CDH17: variants seen among roughly 807,000 people sequenced by gnomAD.
The protein encoded by CDH17 is cadherin-17.
In CDH17, 67 loss-of-function variants were observed where a neutral mutation model predicts 86.3. The observed-to-expected ratio is 0.78, with a 90% CI of 0.64 to 0.95. The LOEUF (loss-of-function observed/expected upper bound fraction) is 0.95. Among genes scored for constraint, CDH17 ranks in the 40% least tolerant of loss-of-function variants. The probability of loss-of-function intolerance (pLI) is 0.00; values close to 1 mark genes in which losing one functional copy is unlikely to be tolerated. For synonymous variants in CDH17, 367 were observed against 366.4 expected, an observed-to-expected ratio of 1.00 and a Z score of -0.02; for missense variants, 993 against 1,017.6, an observed-to-expected ratio of 0.98 and a Z score of 0.33.
intron 1 of CDH17, among the ~76,000 whole-genome samples, chr8:94,216,914 T>A (rs1586041193): frequency 6.6e-6 from 1 of 152,228 alleles, no homozygotes; most frequent in Admixed American, 6.5e-5. Context: ...ATTCTTAAAG[T>A]TTCCCTTGGT....
chr8:94,143,083 T>C (rs1200917100), intron 15 of CDH17, among the ~76,000 whole-genome samples: 1 of 152,248 alleles, frequency 6.6e-6, no homozygotes, highest in Non-Finnish European at 1.5e-5. Flanking sequence ...TCAGAGGAAT[T>C]ACTATCTAAT....
intron 1 of CDH17, among the ~76,000 whole-genome samples, chr8:94,216,563 G>GTTT (rs368207788): frequency 5.6e-5 from 8 of 142,022 alleles, no homozygotes; most frequent in East Asian, 2.1e-4. Context: ...CAGAGGGTTT[G>GTTT]TTTTTTTTTT....
intron 1 of CDH17, among the ~76,000 whole-genome samples, chr8:94,200,263 A>C (rs115821585): frequency 2.8e-4 from 42 of 152,306 alleles, no homozygotes; most frequent in African/African-American, 1.0e-3. Context: ...GCCATCCTTC[A>C]TCACTGAAAT....
At chr8:94,190,522 C>T (rs1207942893) in intron 2 of CDH17, among the ~76,000 whole-genome samples, 1 of 152,218 alleles carries the variant, frequency 6.6e-6, no homozygotes, top group African/African-American at 2.4e-5. Context: ...CTCATCCCCA[C>T]GCTGGCCTTC....
chr8:94,183,436 C>T (rs1813520095), intron 3 of CDH17, among the ~76,000 whole-genome samples: 1 of 152,040 alleles, frequency 6.6e-6, no homozygotes, highest in Non-Finnish European at 1.5e-5. Flanking sequence ...CAATTGATTT[C>T]TGATGAGGAT....
chr8:94,166,843 C>T (rs1267382096), intron 9 of CDH17, among the ~76,000 whole-genome samples: 1 of 152,086 alleles, frequency 6.6e-6, no homozygotes, highest in Non-Finnish European at 1.5e-5. Context: ...ACACCAGATG[C>T]CAACAGAAGC....
chr8:94,170,428 G>A lies in CDH17; in HGVS notation c.1035C>T (p.Thr345=), dbSNP rs1471565823. The change falls in exon 9 of 18, where the codon ACC becomes ACT. Residue 345 remains threonine (T), a synonymous_variant. Transcript: ENST00000027335. ...DNPPTCPSPV[T]VFEVQENERL... ...GTTCATTCTCCTGGACCTCAAATAC[G>A]GTTACTGGTGACGGACATGTAGGTG... 8 of 1,613,516 alleles carry A rather than the reference G, an allele frequency of 5.0e-6. No individual in the cohort carries two copies. Among genetic ancestry groups the A allele is most frequent in the Non-Finnish European group, 5.9e-6 (7 of 1,179,662 alleles).
At chr8:94,215,272 C>T (rs1039590714) in intron 1 of CDH17, among the ~76,000 whole-genome samples, 10 of 152,028 alleles carry the variant, frequency 6.6e-5, no homozygotes, top group Non-Finnish European at 1.5e-4. Context: ...ATGTGGTATC[C>T]ATATGATAGA....
chr8:94,152,174 C>T, intron 12 of CDH17, 62 bp from the exon 13 acceptor site: 2 of 1,561,534 alleles, frequency 1.3e-6, no homozygotes, highest in Non-Finnish European at 1.7e-6. Context: ...AAGATTCATT[C>T]CCTATCCTTC....
chr8:94,147,177 T>C (rs79356409), intron 14 of CDH17, among the ~76,000 whole-genome samples: 3,370 of 152,236 alleles, frequency 0.022, 118 homozygotes, highest in African/African-American at 0.077. Flanking sequence ...GAAAGGGGTG[T>C]GCACAGCATA....
At chr8:94,176,468 G>A in intron 5 of CDH17, 73 bp downstream of exon 5, 1 of 1,508,318 alleles carries the variant, frequency 6.6e-7, no homozygotes. Context: ...GCAGCTATTA[G>A]CCACACAAGT....
chr8:94,193,765 G>T (rs1306791556), intron 2 of CDH17, among the ~76,000 whole-genome samples: 2 of 152,134 alleles, frequency 1.3e-5, no homozygotes, highest in African/African-American at 2.4e-5. Flanking sequence ...AGTTTGAACT[G>T]CAGATTTCCC....
chr8:94,179,025 C>A (rs1813425458), intron 3 of CDH17, among the ~76,000 whole-genome samples: 2 of 141,046 alleles, frequency 1.4e-5, no homozygotes, highest in Non-Finnish European at 1.5e-5. Flanking sequence ...CAGATGCTTG[C>A]AAAATCCAAG....
In CDH17 at chr8:94,200,532, C is replaced by CTTTTTTTTTTTTTTTTTTT. The variant is rs1387182561; in HGVS notation, c.-20-5828_-20-5827insAAAAAAAAAAAAAAAAAAA. 1.6e-4 allele frequency among the ~76,000 whole-genome samples: 8 copies of CTTTTTTTTTTTTTTTTTTT among 50,236 alleles called. 3 individuals are homozygous for CTTTTTTTTTTTTTTTTTTT. Among genetic ancestry groups the CTTTTTTTTTTTTTTTTTTT allele is most frequent in the Non-Finnish European group, 1.9e-4 (5 of 25,738 alleles). 33.0% of individuals were successfully genotyped at this position (50,236 alleles called of 152,430 possible). A position where few individuals can be genotyped will look rare whatever the true frequency, so the allele number is the denominator to read the frequency against. ...TAGATCAGAGGGTTATTATTATTATCTTTTGTTTTTTTTTTTTTTTTTTTT... is the reference window on the plus strand; with the variant it reads ...TAGATCAGAGGGTTATTATTATTATCTTTTTTTTTTTTTTTTTTTTTTTGTTTTTTTTTTTTTTTTTTTT... On this transcript the variant is annotated intron_variant, in intron 1 of 17. Transcript: ENST00000027335.
At chr8:94,206,999 C>T (rs1814040664) in intron 1 of CDH17, among the ~76,000 whole-genome samples, 1 of 152,058 alleles carries the variant, frequency 6.6e-6, no homozygotes, top group African/African-American at 2.4e-5. Context: ...TAACCTTCAC[C>T]TTGAACAGTG....
rs116887050 is a variant in CDH17 at position 94,177,148 on chromosome 8, T to C, written c.285+439A>G. Among the ~76,000 whole-genome samples, 25 of 152,270 alleles carry C rather than the reference T, an allele frequency of 1.6e-4. No individual in the cohort carries two copies. In the East Asian group the frequency reaches 4.2e-3, roughly 26 times the overall value. On this transcript the variant is annotated intron_variant, in intron 4 of 17. Coordinates refer to ENST00000027335, the MANE Select transcript of CDH17 (RefSeq NM_004063.4). ...GGAGAAAGAGAGGGAGACGGGTCTT[T>C]TTAGTCAGCTCCTGGCTACTGGTTC...
At chr8:94,214,574 A>C (rs1203315296) in intron 1 of CDH17, among the ~76,000 whole-genome samples, 2 of 152,170 alleles carry the variant, frequency 1.3e-5, no homozygotes, top group Non-Finnish European at 2.9e-5. Context: ...GTAAATCTTT[A>C]TGGCCTTGGA....
chr8:94,145,320 G>C (rs1464029943), intron 15 of CDH17, among the ~76,000 whole-genome samples: 3 of 152,196 alleles, frequency 2.0e-5, no homozygotes, highest in Non-Finnish European at 4.4e-5. Context: ...ACTGATGCAT[G>C]TAACAACACC....
chr8:94,148,634 T>C (rs540314256), intron 14 of CDH17, 110 bp downstream of exon 14: 3 of 796,390 alleles, frequency 3.8e-6, no homozygotes, highest in Non-Finnish European at 5.6e-6. Flanking sequence ...GGTTGTGATA[T>C]TCTGGTGTTT....
Sources: gnomAD v4.1 joint callset for allele counts (sites outside exome capture counted in the v4.1 genomes callset) on GRCh38, gnomAD v4.1.1 for gene constraint, MANE v1.5 for transcripts, NCBI Gene and HGNC (gene_info 2026-07-23, HGNC 2026-07-21) for gene names.